Variants in STX8 observed in about 807,000 individuals in gnomAD.
STX8 encodes the protein syntaxin-8.
A neutral mutation model predicts 37.5 loss-of-function variants in STX8; 23 were observed. The ratio of observed to expected loss-of-function variants is 0.61; its 90% CI spans 0.44 to 0.87. STX8 has a LOEUF of 0.87. Among genes scored for constraint, STX8 ranks in the 40% least tolerant of loss-of-function variants. The pLI is 0.00. For synonymous variants in STX8, 115 were observed against 99.1 expected, an observed-to-expected ratio of 1.16 and a Z score of -0.95; for missense variants, 313 against 284.7, an observed-to-expected ratio of 1.10 and a Z score of -0.71.
chr17:9,557,245 G>T, intron 3 of STX8, 189 bp downstream of exon 3: 1 of 538,486 alleles, frequency 1.9e-6, no homozygotes, highest in Non-Finnish European at 3.3e-6. Flanking sequence ...GTCTTGCTTT[G>T]CCAGCATATT....
At chr17:9,572,255 A>C (rs576078120) in intron 1 of STX8, among the ~76,000 whole-genome samples, 1 of 152,304 alleles carries the variant, frequency 6.6e-6, no homozygotes, top group East Asian at 1.9e-4. Context: ...TCCTTCTGTT[A>C]AACAGCGAGC....
chr17:9,510,995 T>C (rs919348913), intron 4 of STX8, among the ~76,000 whole-genome samples: 2 of 151,822 alleles, frequency 1.3e-5, no homozygotes, highest in Admixed American at 1.3e-4. Flanking sequence ...CACCAATAAA[T>C]TAAAAAACCT....
intron 6 of STX8, among the ~76,000 whole-genome samples, chr17:9,382,538 C>A (rs1046784597): frequency 6.6e-6 from 1 of 152,068 alleles, no homozygotes; most frequent in African/African-American, 2.4e-5. Context: ...CCCATCAACT[C>A]GTCATTTACA....
intron 6 of STX8, among the ~76,000 whole-genome samples, chr17:9,483,755 C>A (rs1275490958): frequency 6.6e-6 from 1 of 152,056 alleles, no homozygotes; most frequent in Non-Finnish European, 1.5e-5. Context: ...TCTACGAATA[C>A]AATTGGTTTT....
chr17:9,268,287 A>C (rs1907303441), intron 7 of STX8, among the ~76,000 whole-genome samples: 6 of 151,392 alleles, frequency 4.0e-5, no homozygotes, highest in Admixed American at 3.3e-4. Flanking sequence ...GTAAGAACAA[A>C]AAAAAAAAAA....
intron 4 of STX8, among the ~76,000 whole-genome samples, chr17:9,505,391 T>C (rs1347440119): frequency 6.6e-6 from 1 of 152,166 alleles, no homozygotes; most frequent in Non-Finnish European, 1.5e-5. Context: ...ATAGAGATGA[T>C]GGGAGAACAT....
At chr17:9,274,678 AAATAATAATAAT>A (rs57248368) in intron 7 of STX8, among the ~76,000 whole-genome samples, 11 of 106,702 alleles carry the variant, frequency 1.0e-4, no homozygotes, top group Non-Finnish European at 1.6e-4. Context: ...TCTGTCTCAA[AAATAATAATAAT>A]AATAATAATA....
intron 7 of STX8, among the ~76,000 whole-genome samples, chr17:9,359,619 C>T (rs370717840): frequency 8.7e-4 from 130 of 149,430 alleles, no homozygotes; most frequent in African/African-American, 3.0e-3. Flanking sequence ...GCCATTCTCC[C>T]GCCTCAGCCT....
At chr17:9,316,845 C>T (rs977207855) in intron 7 of STX8, among the ~76,000 whole-genome samples, 2 of 152,198 alleles carry the variant, frequency 1.3e-5, no homozygotes, top group East Asian at 3.8e-4. Context: ...TGAGATTTAA[C>T]TCTAATTCCA....
chr17:9,293,434 T>C (rs1157981275), intron 7 of STX8, among the ~76,000 whole-genome samples: 1 of 151,870 alleles, frequency 6.6e-6, no homozygotes, highest in Non-Finnish European at 1.5e-5. Context: ...GTAATCAGCT[T>C]ATGAGGACCT....
rs750040200 is a variant in STX8, at chr17:9,439,532, A to AT, written c.541+52296dup. ...TCACTACTGTACTTACTGCCATATA[A>AT]TTTTTTTTTTTTTTTTGCGGTGGTG... On this transcript the variant is annotated intron_variant, in intron 6 of 7. Coordinates refer to ENST00000306357, the MANE Select transcript of STX8 (RefSeq NM_004853.3). 7.2e-3 allele frequency among the ~76,000 whole-genome samples: 940 copies of AT among 131,030 alleles called. 7 individuals carry two copies. Among genetic ancestry groups the AT allele is most frequent in the African/African-American group, 0.016 (617 of 37,790 alleles). 86.0% of individuals were successfully genotyped at this position (131,030 alleles called of 152,430 possible). A position where few individuals can be genotyped will look rare whatever the true frequency, so the allele number is the denominator to read the frequency against.
intron 2 of STX8, among the ~76,000 whole-genome samples, chr17:9,559,760 A>ATATTTTTTTTTTT: frequency 6.9e-4 from 17 of 24,492 alleles, no homozygotes; most frequent in Non-Finnish European, 8.1e-4. Flanking sequence ...ATATATATAT[A>ATATTTTTTTTTTT]TTTTTTTTTT....
chr17:9,487,638 T>C (rs1651869128), intron 6 of STX8, among the ~76,000 whole-genome samples: 1 of 151,844 alleles, frequency 6.6e-6, no homozygotes, highest in South Asian at 2.1e-4. Context: ...AAAACCAAGT[T>C]TGCACTGGCA....
At chr17:9,394,804 A>G (rs1382128069) in intron 6 of STX8, among the ~76,000 whole-genome samples, 1 of 151,560 alleles carries the variant, frequency 6.6e-6, no homozygotes, top group Non-Finnish European at 1.5e-5. Context: ...ACAGTGGCTC[A>G]TGCCTGTAAT....
At chr17:9,502,383 T>C (rs968956701) in intron 5 of STX8, among the ~76,000 whole-genome samples, 2 of 152,202 alleles carry the variant, frequency 1.3e-5, no homozygotes, top group African/African-American at 4.8e-5. Context: ...AAAGATCGAC[T>C]GTACAACAGG....
chr17:9,428,397 C>A (rs918091326), intron 6 of STX8, among the ~76,000 whole-genome samples: 1 of 152,148 alleles, frequency 6.6e-6, no homozygotes, highest in Admixed American at 6.6e-5. Context: ...CCCGCCACCA[C>A]GCCCGGCTAA....
intron 3 of STX8, among the ~76,000 whole-genome samples, chr17:9,545,501 T>C (rs914661944): frequency 2.0e-5 from 3 of 152,198 alleles, no homozygotes; most frequent in East Asian, 1.9e-4. Flanking sequence ...GAGGCACTTA[T>C]AAACACTGAC....
At chr17:9,500,930 A>G (rs1038606087) in intron 5 of STX8, among the ~76,000 whole-genome samples, 7 of 152,256 alleles carry the variant, frequency 4.6e-5, no homozygotes, top group African/African-American at 1.7e-4. Flanking sequence ...TCGTGAACCC[A>G]GGAGGCAGAG....
chr17:9,420,400 G>A (rs1913380046), intron 6 of STX8, among the ~76,000 whole-genome samples: 1 of 152,124 alleles, frequency 6.6e-6, no homozygotes, highest in Non-Finnish European at 1.5e-5. Context: ...CCTTCGACCA[G>A]TAACCTTACC....
Sources: allele counts gnomAD v4.1 joint callset (sites outside exome capture counted in the v4.1 genomes callset), GRCh38; gene constraint gnomAD v4.1.1; transcripts MANE v1.5; gene names NCBI Gene and HGNC (gene_info 2026-07-23, HGNC 2026-07-21).